The following SORCS3 variants were observed in gnomAD, a reference collection of about 807,000 sequenced individuals.
SORCS3 encodes VPS10 domain-containing receptor SorCS3.
SORCS3 carries 57 observed loss-of-function variants against 146.3 expected under a neutral mutation model. The observed-to-expected ratio is 0.39, with a 90% CI of 0.31 to 0.49. The LOEUF is 0.49. SORCS3 is among the 20% of genes least tolerant of loss of function. The pLI is 0.92. For synonymous variants in SORCS3, 653 were observed against 618.5 expected (o/e 1.06, Z -0.83); for missense variants, 1,341 against 1,575.5 (o/e 0.85, Z 2.52).
intron 2 of SORCS3, among the ~76,000 whole-genome samples, chr10:104,915,344 C>A (rs1398990836): frequency 1.3e-5 from 2 of 152,094 alleles, no homozygotes; most frequent in Non-Finnish European, 2.9e-5. Flanking sequence ...CACTTCCTAC[C>A]CCTCCAAGGG....
chr10:104,688,878 A>C (rs1228726036), intron 1 of SORCS3, among the ~76,000 whole-genome samples: 3 of 152,168 alleles, frequency 2.0e-5, no homozygotes, highest in African/African-American at 7.2e-5. Flanking sequence ...TGACAAGGAG[A>C]TGCCCAGGGC....
intron 16 of SORCS3, among the ~76,000 whole-genome samples, chr10:105,202,063 T>C (rs2056577798): frequency 6.6e-6 from 1 of 152,162 alleles, no homozygotes; most frequent in East Asian, 1.9e-4. Flanking sequence ...AAATCACTTC[T>C]TTCCATCTCT....
At chr10:104,808,561 A>G (rs950915290) in intron 1 of SORCS3, among the ~76,000 whole-genome samples, 1 of 151,926 alleles carries the variant, frequency 6.6e-6, no homozygotes, top group African/African-American at 2.4e-5. Flanking sequence ...AGGGAAAAAC[A>G]TGTGTGAAGG....
chr10:105,210,738 T>A (rs2056628578), intron 16 of SORCS3, among the ~76,000 whole-genome samples: 1 of 152,230 alleles, frequency 6.6e-6, no homozygotes, highest in South Asian at 2.1e-4. Context: ...GACATGTATA[T>A]ACTTGTTTCA....
At chr10:105,074,097 A>G (rs1459552603) in intron 5 of SORCS3, among the ~76,000 whole-genome samples, 1 of 152,220 alleles carries the variant, frequency 6.6e-6, no homozygotes, top group Non-Finnish European at 1.5e-5. Context: ...ACTTCTTCAC[A>G]TTAAATGATA....
chr10:104,940,239 T>TATATATA (rs1554861474), intron 3 of SORCS3, among the ~76,000 whole-genome samples: 16 of 14,500 alleles, frequency 1.1e-3, no homozygotes, highest in East Asian at 4.1e-3. Flanking sequence ...TATATATATA[T>TATATATA]TTTTTTTTTT....
At chr10:104,680,287 G>A (rs1234719127) in intron 1 of SORCS3, among the ~76,000 whole-genome samples, 1 of 152,200 alleles carries the variant, frequency 6.6e-6, no homozygotes, top group Non-Finnish European at 1.5e-5. Context: ...ACATAAAACA[G>A]CATTCACACG....
At chr10:104,774,549 T>C (rs2017287420) in intron 1 of SORCS3, among the ~76,000 whole-genome samples, 1 of 152,154 alleles carries the variant, frequency 6.6e-6, no homozygotes, top group South Asian at 2.1e-4. Flanking sequence ...TGATTAATTG[T>C]TGAGATGACA....
chr10:105,150,223 G>A (rs1253387613), intron 9 of SORCS3, among the ~76,000 whole-genome samples: 1 of 152,068 alleles, frequency 6.6e-6, no homozygotes, highest in East Asian at 1.9e-4. Context: ...CAAGACAAAT[G>A]GATATCAAAC....
At chr10:104,842,208 G>A (rs887636586) in intron 1 of SORCS3, among the ~76,000 whole-genome samples, 1 of 152,244 alleles carries the variant, frequency 6.6e-6, no homozygotes, top group Admixed American at 6.5e-5. Flanking sequence ...TTACTCCATA[G>A]TAGTGGGGGC....
chr10:104,857,896 T>C (rs1247497631), intron 2 of SORCS3, among the ~76,000 whole-genome samples: 1 of 152,192 alleles, frequency 6.6e-6, no homozygotes, highest in African/African-American at 2.4e-5. Flanking sequence ...CATTCCTCGG[T>C]GAGGATCTGG....
intron 3 of SORCS3, among the ~76,000 whole-genome samples, chr10:104,948,560 C>T (rs2133624225): frequency 6.6e-6 from 1 of 152,306 alleles, no homozygotes; most frequent in African/African-American, 2.4e-5. Context: ...AAGATAGTAG[C>T]TAAACCTTGA....
intron 4 of SORCS3, among the ~76,000 whole-genome samples, chr10:105,030,566 C>G (rs1214488080): frequency 6.6e-6 from 1 of 151,500 alleles, no homozygotes; most frequent in African/African-American, 2.4e-5. Flanking sequence ...GAAAGAAATC[C>G]TAGCTCTCCA....
chr10:105,143,849 G>A (rs1257247438), intron 8 of SORCS3, among the ~76,000 whole-genome samples: 2 of 152,082 alleles, frequency 1.3e-5, no homozygotes, highest in African/African-American at 2.4e-5. Flanking sequence ...TCACCAGTCT[G>A]TCTCCTGGGA....
At chr10:105,225,336 A>G (rs1021502917) in intron 20 of SORCS3, among the ~76,000 whole-genome samples, 1 of 152,066 alleles carries the variant, frequency 6.6e-6, no homozygotes, top group African/African-American at 2.4e-5. Flanking sequence ...TTTTGAAAAT[A>G]CCATTTTTGC....
At chr10:104,786,409 G>A (rs2017436588) in intron 1 of SORCS3, among the ~76,000 whole-genome samples, 1 of 151,880 alleles carries the variant, frequency 6.6e-6, no homozygotes. Context: ...TTAGCCAGGT[G>A]TGGTGGCACG....
At chr10:104,722,824 AT>A (rs1201888300) in intron 1 of SORCS3, among the ~76,000 whole-genome samples, 4 of 151,998 alleles carry the variant, frequency 2.6e-5, no homozygotes, top group African/African-American at 9.7e-5. Flanking sequence ...CGGTGGTGAT[AT>A]CCCCTTTATC....
At chr10:104,855,622 A>G (rs537796461) in intron 2 of SORCS3, among the ~76,000 whole-genome samples, 61 of 152,280 alleles carry the variant, frequency 4.0e-4, no homozygotes, top group Non-Finnish European at 8.1e-4. Context: ...TCACATATTT[A>G]TTGCAACTGA....
At chr10:104,833,284 G>C (rs898151254) in intron 1 of SORCS3, among the ~76,000 whole-genome samples, 1 of 152,184 alleles carries the variant, frequency 6.6e-6, no homozygotes, top group Non-Finnish European at 1.5e-5. Flanking sequence ...GATGAGAGGG[G>C]TGCTGTGCAA....
Sources: allele counts gnomAD v4.1 joint callset (sites outside exome capture counted in the v4.1 genomes callset), GRCh38; gene constraint gnomAD v4.1.1; transcripts MANE v1.5; gene names NCBI Gene and HGNC (gene_info 2026-07-23, HGNC 2026-07-21).